BMX: variants seen among roughly 807,000 people sequenced by gnomAD.
BMX encodes BMX non-receptor tyrosine kinase, also known as cytoplasmic tyrosine-protein kinase BMX.
Under a neutral mutation model 59.2 loss-of-function variants are expected in BMX, and 31 were observed. The ratio of observed to expected loss-of-function variants is 0.52; its 90% CI spans 0.39 to 0.71. The LOEUF is 0.71. Ranked by LOEUF, BMX falls within the 30% of genes least tolerant of loss-of-function variation. The pLI, the probability that BMX is intolerant of heterozygous loss-of-function variation, is 0.00. For missense variants in BMX, 474 were observed against 491.7 expected (o/e 0.96, Z 0.34); for synonymous variants, 185 against 181.0 (o/e 1.02, Z -0.18).
intron 12 of BMX, among the ~76,000 whole-genome samples, chrX:15,534,979 A>C (rs1925263669): frequency 9.0e-6 from 1 of 111,449 alleles, no homozygotes; most frequent in South Asian, 3.7e-4. Flanking sequence ...CAGTATTTTC[A>C]CATTATAATG....
At chrX:15,503,426 A>G (rs960732644) in intron 1 of BMX, among the ~76,000 whole-genome samples, 5 of 112,448 alleles carry the variant, frequency 4.4e-5, no homozygotes, top group African/African-American at 1.3e-4. Context: ...TATGTCCCTT[A>G]GCAAAGCTGT....
chrX:15,521,292 T>A (rs1924439890), intron 6 of BMX, among the ~76,000 whole-genome samples: 1 of 112,402 alleles, frequency 8.9e-6, no homozygotes, highest in Admixed American at 9.4e-5. Context: ...TTTATATGAC[T>A]GGAATTATAA....
chrX:15,526,187 C>T, intron 9 of BMX, 92 bp downstream of exon 9: 2 of 811,103 alleles, frequency 2.5e-6, no homozygotes, highest in Non-Finnish European at 3.5e-6. Flanking sequence ...TGGCTGAGAC[C>T]GTCTCAGGAG....
chrX:15,526,552 C>T (rs951498471), intron 9 of BMX, among the ~76,000 whole-genome samples: 1 of 108,157 alleles, frequency 9.2e-6, no homozygotes, highest in African/African-American at 3.4e-5. Flanking sequence ...ATATTTATGT[C>T]GACAGATCTC....
At chrX:15,538,933 G>A (rs1003844222) in intron 14 of BMX, among the ~76,000 whole-genome samples, 29 of 111,417 alleles carry the variant, frequency 2.6e-4, no homozygotes, top group African/African-American at 8.5e-4. Context: ...AAGGTACCTA[G>A]AAGGGCACAG....
intron 5 of BMX, 58 bp from the exon 6 acceptor site, chrX:15,517,871 G>C: frequency 1.0e-6 from 1 of 979,426 alleles, no homozygotes; most frequent in Non-Finnish European, 1.4e-6. Context: ...ATAACATTGA[G>C]TGTTTCTCTT....
intron 9 of BMX, among the ~76,000 whole-genome samples, chrX:15,529,740 T>C (rs745989285): frequency 1.1e-3 from 120 of 112,083 alleles, no homozygotes; most frequent in African/African-American, 3.8e-3. Flanking sequence ...GATTCCTAAA[T>C]GCCAGCCCAT....
chrX:15,526,056 C>T lies in BMX; in HGVS notation c.845C>T (p.Ser282Leu). The T allele has an allele frequency of 8.3e-7, 1 of 1,208,388 alleles. No homozygotes were observed. The highest frequency in any genetic ancestry group is 1.1e-6 in the Non-Finnish European group (1 of 893,594). ...CTCTTCTTAAGGGAATTCCCTGAGT[C>T]AAGTTCATCTGAAGAAGAGGAAAAC... ...TSKISWEFPE[S>L]SSSEEEENLD... Residue 282 changes from serine to leucine, a missense_variant, in exon 9 of 19, where the codon TCA becomes TTA. By Grantham distance (145) the Ser-to-Leu change is moderately radical. Coordinates refer to ENST00000348343, the MANE Select transcript of BMX (RefSeq NM_203281.3).
At chrX:15,546,982 A>G in intron 17 of BMX, 61 bp downstream of exon 17, 1 of 980,665 alleles carries the variant, frequency 1.0e-6, no homozygotes, top group Middle Eastern at 2.7e-4. Context: ...ACAACAGGAA[A>G]CCACAAGAGT....
rs1177125743 is a variant in BMX, at chrX:15,528,423, C to T, written c.885-1550C>T. Among the ~76,000 whole-genome samples, 5 of 112,051 alleles carry T rather than the reference C, an allele frequency of 4.5e-5. No individual in the cohort carries two copies. The East Asian group carries it at 1.4e-3, about 31-fold the overall frequency. On this transcript the variant is annotated intron_variant, in intron 9 of 18. Transcript: ENST00000348343. The stretch of plus-strand genomic sequence containing the variant: ...CCTATAATCCCAGCACTTTCAGAGG[C>T]TGAGCTAGGCAGATCTCTTGAGCTC...
chrX:15,520,554 A>G (rs935156806), intron 6 of BMX, among the ~76,000 whole-genome samples: 2 of 112,132 alleles, frequency 1.8e-5, no homozygotes, highest in Non-Finnish European at 3.8e-5. Flanking sequence ...AGCAGAAGAT[A>G]ATTAAGAGCC....
intron 9 of BMX, among the ~76,000 whole-genome samples, chrX:15,527,189 G>T (rs1239207407): frequency 2.6e-5 from 1 of 39,085 alleles, no homozygotes; most frequent in Admixed American, 5.5e-4. Context: ...GCAAGACTCT[G>T]TCTCAAAAAA....
At chrX:15,535,594 T>A (rs1925291965) in intron 12 of BMX, among the ~76,000 whole-genome samples, 3 of 112,072 alleles carry the variant, frequency 2.7e-5, no homozygotes, top group Admixed American at 1.9e-4. Context: ...TGTTTGTGAG[T>A]TTATTTTTAT....
chrX:15,526,458 T>A (rs1256361508), intron 9 of BMX, among the ~76,000 whole-genome samples: 2 of 112,257 alleles, frequency 1.8e-5, no homozygotes, highest in Non-Finnish European at 3.8e-5. Flanking sequence ...AAAGCTCTTA[T>A]TAACATTGAG....
intron 9 of BMX, among the ~76,000 whole-genome samples, chrX:15,529,266 C>T (rs1569225355): frequency 4.5e-5 from 5 of 111,923 alleles, no homozygotes; most frequent in Admixed American, 2.8e-4. Context: ...CCCATCCATT[C>T]CTGCCAAGTT....
In BMX at chrX:15,536,105, CAATT is replaced by C. The variant is rs773357076; in HGVS notation, c.1148-243_1148-240del. On this transcript the variant is annotated intron_variant, in intron 12 of 18. Transcript: ENST00000348343. ...GAGAATTTTAAAAGATTACATCATG[CAATT>C]AATTTCTATGGGATTTTTAAAAATC... 2.7e-5 allele frequency among the ~76,000 whole-genome samples: 3 copies of C among 112,188 alleles called. No homozygotes were observed. The South Asian group carries it at 1.1e-3, about 41-fold the overall frequency.
At chrX:15,540,195 T>C (rs773175795) in intron 14 of BMX, among the ~76,000 whole-genome samples, 2 of 112,105 alleles carry the variant, frequency 1.8e-5, no homozygotes, top group East Asian at 5.6e-4. Context: ...TGCCCATCAA[T>C]GTTAGACTGG....
intron 10 of BMX, among the ~76,000 whole-genome samples, chrX:15,530,944 AATC>A (rs1925039303): frequency 8.9e-6 from 1 of 111,991 alleles, no homozygotes. Flanking sequence ...AATTAGCACA[AATC>A]ATTGAGAAAG....
At chrX:15,540,866 A>G (rs1023380532) in intron 14 of BMX, among the ~76,000 whole-genome samples, 9 of 111,378 alleles carry the variant, frequency 8.1e-5, no homozygotes, top group Non-Finnish European at 1.3e-4. Context: ...AGAACAGAAA[A>G]GAAAGAGTAA....
Sources: allele counts gnomAD v4.1 joint callset (sites outside exome capture counted in the v4.1 genomes callset), GRCh38; gene constraint gnomAD v4.1.1; transcripts MANE v1.5; gene names NCBI Gene and HGNC (gene_info 2026-07-23, HGNC 2026-07-21).